ATG3: variants seen among roughly 807,000 people sequenced by gnomAD.
ATG3 encodes autophagy related 3.
In ATG3, 25 loss-of-function variants were observed where a neutral mutation model predicts 50.7. That is an observed-to-expected ratio of 0.49 (90% CI 0.36 to 0.69). The LOEUF (loss-of-function observed/expected upper bound fraction) is 0.69, where lower values mean the gene tolerates loss of function less well. ATG3 is among the 30% of genes least tolerant of loss of function. The pLI, the probability that ATG3 is intolerant of heterozygous loss-of-function variation, is 0.00. For synonymous variants in ATG3, 119 were observed against 125.5 expected, an observed-to-expected ratio of 0.95 and a Z score of 0.34; for missense variants, 281 against 376.0, an observed-to-expected ratio of 0.75 and a Z score of 2.09.
chr3:112,557,944 G>A (rs991394589), intron 2 of ATG3, among the ~76,000 whole-genome samples: 3 of 151,922 alleles, frequency 2.0e-5, no homozygotes, highest in Non-Finnish European at 4.4e-5. Context: ...CTTCTCCACC[G>A]ACAACGAAAT....
chr3:112,556,361 A>G (rs1449518978), intron 2 of ATG3, among the ~76,000 whole-genome samples: 1 of 140,570 alleles, frequency 7.1e-6, no homozygotes, highest in Non-Finnish European at 1.5e-5. Context: ...GGAAGAGAGG[A>G]GCCCCTCTGC....
intron 6 of ATG3, among the ~76,000 whole-genome samples, chr3:112,543,728 C>T (rs1933293773): frequency 6.6e-6 from 1 of 151,980 alleles, no homozygotes; most frequent in African/African-American, 2.4e-5. Context: ...CATTTTAAAA[C>T]AAAAAAGTCA....
At position 112,561,537 on chromosome 3, in the gene ATG3, C is replaced by G; in HGVS notation, c.-9G>C. ...TTAATCACATTCTGCATCCTGGGGC[C>G]GGAGTAGCGGCCGGCCCCGCGACGG... On this transcript the variant is annotated 5_prime_UTR_variant, in exon 1 of 12. Transcript: ENST00000283290. The G allele has an allele frequency of 6.5e-7, 1 of 1,527,606 alleles. No individual in the cohort carries two copies. Among genetic ancestry groups the G allele is most frequent in the Non-Finnish European group, 8.9e-7 (1 of 1,127,612 alleles). The allele number at this position is 1,527,606 out of a possible 1,614,324, so 94.6% of individuals were successfully genotyped here. A position where few individuals can be genotyped will look rare whatever the true frequency, so the allele number is the denominator to read the frequency against.
At chr3:112,557,655 T>C (rs1933727360) in intron 2 of ATG3, among the ~76,000 whole-genome samples, 2 of 152,064 alleles carry the variant, frequency 1.3e-5, no homozygotes, top group African/African-American at 4.8e-5. Context: ...GATTTGGAAC[T>C]AGACAAATTC....
At chr3:112,532,999 C>T (rs1343525730) in intron 11 of ATG3, 3 of 1,185,392 alleles carry the variant, frequency 2.5e-6, no homozygotes, top group East Asian at 4.5e-5. Context: ...GAATTTGAAA[C>T]TTCTTAATGA....
At chr3:112,536,366 G>T (rs920075449) in intron 10 of ATG3, 109 bp downstream of exon 10, 10 of 1,360,242 alleles carry the variant, frequency 7.4e-6, no homozygotes, top group African/African-American at 1.5e-5. Flanking sequence ...TTACTTTTTA[G>T]TAAGAAAATT....
At position 112,561,728 on chromosome 3, in the gene ATG3, T is replaced by C; in HGVS notation, c.-200A>G. The stretch of plus-strand genomic sequence containing the variant: ...GCAGGCACAGCGCGCGAAGACGGGG[T>C]GCGCGATCCTCGCACCCCAGGCAGC... On this transcript the variant is annotated 5_prime_UTR_variant, in exon 1 of 12. Transcript: ENST00000283290. 1.7e-6 allele frequency: 1 copy of C among 578,926 alleles called. No individual in the cohort carries two copies. Among genetic ancestry groups the C allele is most frequent in the South Asian group, 2.1e-5 (1 of 46,636 alleles). 35.9% of individuals were successfully genotyped at this position (578,926 alleles called of 1,614,324 possible).
chr3:112,534,229 CA>C, intron 11 of ATG3, 39 bp downstream of exon 11: 1 of 1,583,866 alleles, frequency 6.3e-7, no homozygotes, highest in Non-Finnish European at 8.6e-7. Flanking sequence ...AAATCGTTAA[CA>C]GCCATTTTGC....
At chr3:112,542,859 C>T (rs1933268556) in intron 6 of ATG3, among the ~76,000 whole-genome samples, 1 of 151,960 alleles carries the variant, frequency 6.6e-6, no homozygotes, top group Admixed American at 6.5e-5. Flanking sequence ...CACTACTGTG[C>T]CATTTATCAT....
chr3:112,548,322 G>A (rs898377627), intron 5 of ATG3, among the ~76,000 whole-genome samples: 1 of 152,124 alleles, frequency 6.6e-6, no homozygotes, highest in Non-Finnish European at 1.5e-5. Flanking sequence ...CCAGCCTGGT[G>A]ACAGAGCAAG....
chr3:112,542,510 ATATT>A (rs1933259580), intron 6 of ATG3, among the ~76,000 whole-genome samples: 1 of 152,114 alleles, frequency 6.6e-6, no homozygotes, highest in African/African-American at 2.4e-5. Flanking sequence ...GATAAACTGA[ATATT>A]TAGTTTTACC....
intron 1 of ATG3, among the ~76,000 whole-genome samples, chr3:112,560,589 AAAC>A (rs1933830082): frequency 6.6e-6 from 1 of 152,202 alleles, no homozygotes; most frequent in Non-Finnish European, 1.5e-5. Flanking sequence ...TAGAAAAAAA[AAAC>A]AAAAACTAAG....
At chr3:112,532,989 G>T in intron 11 of ATG3, 1 of 1,192,486 alleles carries the variant, frequency 8.4e-7, no homozygotes, top group Non-Finnish European at 1.0e-6. Context: ...TTCGATTATT[G>T]AATTTGAAAC....
intron 4 of ATG3, among the ~76,000 whole-genome samples, chr3:112,549,635 C>G (rs1043804961): frequency 6.6e-6 from 1 of 151,882 alleles, no homozygotes; most frequent in Non-Finnish European, 1.5e-5. Flanking sequence ...ATGGCAAAAC[C>G]CTGTCTCTAC....
At chr3:112,556,541 G>A (rs1933688139) in intron 2 of ATG3, among the ~76,000 whole-genome samples, 1 of 152,208 alleles carries the variant, frequency 6.6e-6, no homozygotes, top group African/African-American at 2.4e-5. Context: ...ACAGCTCATT[G>A]AGAACGGGCC....
rs747816233 is a variant in ATG3 at position 112,561,907 on chromosome 3, C to T, written c.-379G>A. ...TTCACTCGCGCCCCTTCCGGCTTCC[C>T]TTCCTTCTCACTCTCTTGCCGTAGC... On this transcript the variant is annotated 5_prime_UTR_variant, in exon 1 of 12. Coordinates refer to ENST00000283290, the MANE Select transcript of ATG3 (RefSeq NM_022488.5). The T allele has an allele frequency of 2.5e-5, 6 of 243,986 alleles. No homozygotes were observed. The highest frequency in any genetic ancestry group is 4.7e-5 in the South Asian group (1 of 21,224). The allele number at this position is 243,986 out of a possible 1,614,324, so 15.1% of individuals were successfully genotyped here. A position where few individuals can be genotyped will look rare whatever the true frequency, so the allele number is the denominator to read the frequency against.
At chr3:112,548,471 T>C in intron 5 of ATG3, 62 bp downstream of exon 5, 1 of 1,345,034 alleles carries the variant, frequency 7.4e-7, no homozygotes, top group Admixed American at 1.7e-5. Context: ...TCAAGGCTAT[T>C]ATAAAAGATT....
rs1933883741 is a variant in ATG3 at position 112,561,565 on chromosome 3, TGGA to T, written c.-40_-38del. On this transcript the variant is annotated 5_prime_UTR_variant, in exon 1 of 12. Coordinates refer to ENST00000283290, the MANE Select transcript of ATG3 (RefSeq NM_022488.5). ...AGTAGCGGCCGGCCCCGCGACGGGA[TGGA>T]AAGTGCAGCCGTGTCAGGGGCCAGG... The T allele has an allele frequency of 3.1e-6, 5 of 1,597,028 alleles. No individual in the cohort carries two copies. The highest frequency in any genetic ancestry group is 4.3e-6 in the Non-Finnish European group (5 of 1,171,896).
intron 10 of ATG3, chr3:112,535,223 C>G (rs1391430623): frequency 6.6e-6 from 1 of 152,090 alleles, no homozygotes; most frequent in East Asian, 1.9e-4. Context: ...ATGACAGAGA[C>G]AGTCAACTTA....
Sources: allele counts gnomAD v4.1 joint callset (sites outside exome capture counted in the v4.1 genomes callset), GRCh38; gene constraint gnomAD v4.1.1; transcripts MANE v1.5; gene names NCBI Gene and HGNC (gene_info 2026-07-23, HGNC 2026-07-21).